GALNTL6: variants seen among roughly 807,000 people sequenced by gnomAD.
GALNTL6 encodes polypeptide N-acetylgalactosaminyltransferase-like 6.
Under a neutral mutation model 73.7 loss-of-function variants are expected in GALNTL6, and 46 were observed. That is an observed-to-expected ratio of 0.62 (90% confidence interval 0.49 to 0.80). GALNTL6 has a LOEUF of 0.80. Ranked by LOEUF, GALNTL6 falls within the 30% of genes least tolerant of loss-of-function variation. GALNTL6 has a pLI of 0.00. For synonymous variants in GALNTL6, 259 were observed against 263.7 expected (o/e 0.98, Z 0.17); for missense variants, 604 against 755.0 (o/e 0.80, Z 2.34).
chr4:172,396,463 C>T (rs1437375705), intron 5 of GALNTL6, among the ~76,000 whole-genome samples: 1 of 151,926 alleles, frequency 6.6e-6, no homozygotes, highest in Non-Finnish European at 1.5e-5. Context: ...TCTCAGCAAC[C>T]CATAGCTGTA....
chr4:171,996,877 C>T (rs1740509654), intron 2 of GALNTL6, among the ~76,000 whole-genome samples: 1 of 152,000 alleles, frequency 6.6e-6, no homozygotes, highest in African/African-American at 2.4e-5. Flanking sequence ...TAATAAACAC[C>T]TAGATATATT....
chr4:171,854,924 A>G (rs1397308727), intron 2 of GALNTL6, among the ~76,000 whole-genome samples: 1 of 152,180 alleles, frequency 6.6e-6, no homozygotes, highest in Non-Finnish European at 1.5e-5. Flanking sequence ...CTGCGTTTCT[A>G]TGGGATCAGA....
chr4:172,804,575 T>A (rs1029140618), intron 5 of GALNTL6, among the ~76,000 whole-genome samples: 2 of 152,224 alleles, frequency 1.3e-5, no homozygotes, highest in African/African-American at 4.8e-5. Flanking sequence ...TACCAGCTGC[T>A]GAGCCTGGGG....
At chr4:172,065,879 G>A (rs1478413313) in intron 2 of GALNTL6, among the ~76,000 whole-genome samples, 1 of 152,172 alleles carries the variant, frequency 6.6e-6, no homozygotes, top group Non-Finnish European at 1.5e-5. Flanking sequence ...CAGATCTGGT[G>A]AGAACTCACT....
chr4:172,284,217 TA>T (rs1357018495), intron 3 of GALNTL6, among the ~76,000 whole-genome samples: 1 of 152,220 alleles, frequency 6.6e-6, no homozygotes, highest in Admixed American at 6.5e-5. Context: ...ATTAATCTTT[TA>T]CAACTACCTT....
At chr4:172,429,225 T>TTTATTTTATTTTATTTTATTTTA (rs1311610813) in intron 5 of GALNTL6, among the ~76,000 whole-genome samples, 2 of 151,092 alleles carry the variant, frequency 1.3e-5, no homozygotes, top group East Asian at 1.9e-4. Flanking sequence ...TTTATTTTAT[T>TTTATTTTATTTTATTTTATTTTA]TTTTGAGACT....
chr4:172,235,607 G>A (rs538394102), intron 3 of GALNTL6, among the ~76,000 whole-genome samples: 1 of 151,958 alleles, frequency 6.6e-6, no homozygotes, highest in South Asian at 2.1e-4. Flanking sequence ...TAAAAATTTT[G>A]TTTGCAGTAA....
intron 2 of GALNTL6, among the ~76,000 whole-genome samples, chr4:172,206,729 G>A (rs1194210750): frequency 2.0e-5 from 3 of 151,494 alleles, no homozygotes; most frequent in African/African-American, 4.8e-5. Context: ...CCTGAGTCTG[G>A]GAACAAAATT....
intron 12 of GALNTL6, among the ~76,000 whole-genome samples, chr4:173,031,014 A>AAGAGAGAG (rs10655625): frequency 2.3e-4 from 34 of 148,366 alleles, no homozygotes; most frequent in African/African-American, 4.7e-4. Context: ...AAGAAAAGAA[A>AAGAGAGAG]AGAGAGAGAG....
intron 11 of GALNTL6, among the ~76,000 whole-genome samples, chr4:173,017,815 C>T (rs1002412191): frequency 1.3e-5 from 2 of 152,196 alleles, no homozygotes; most frequent in African/African-American, 4.8e-5. Flanking sequence ...ATAATTGTGA[C>T]AATAGGTGAA....
rs1214874685 is a variant in GALNTL6 at position 172,206,775 on chromosome 4, G to GTTTTT, written c.139-22879_139-22875dup. 3.8e-4 allele frequency among the ~76,000 whole-genome samples: 30 copies of GTTTTT among 79,786 alleles called. 6 individuals are homozygous for GTTTTT. Among genetic ancestry groups the GTTTTT allele is most frequent in the Middle Eastern group, 0.015 (2 of 130 alleles). 52.3% of individuals were successfully genotyped at this position (79,786 alleles called of 152,430 possible). ...ATGCATATCAGAGCAGATGAAACGT[G>GTTTTT]TTTTTTGTTTTGTTTTGTTTTGTTT... On this transcript the variant is annotated intron_variant, in intron 2 of 12. Coordinates refer to ENST00000506823, the MANE Select transcript of GALNTL6 (RefSeq NM_001034845.3).
At chr4:172,630,649 A>G (rs1048308802) in intron 5 of GALNTL6, among the ~76,000 whole-genome samples, 1 of 151,912 alleles carries the variant, frequency 6.6e-6, no homozygotes, top group Admixed American at 6.6e-5. Context: ...AAGCTTTCAT[A>G]CAGCTTCATT....
intron 7 of GALNTL6, among the ~76,000 whole-genome samples, chr4:172,878,584 T>C (rs967867457): frequency 6.6e-6 from 1 of 151,736 alleles, no homozygotes. Context: ...GAAAGGTATA[T>C]GCCATAAACC....
chr4:172,544,508 A>G (rs1579173198), intron 5 of GALNTL6, among the ~76,000 whole-genome samples: 1 of 152,180 alleles, frequency 6.6e-6, no homozygotes, highest in East Asian at 1.9e-4. Flanking sequence ...AGAAAAGAAC[A>G]ATTAAATAAA....
chr4:172,323,637 T>C (rs1242290007), intron 4 of GALNTL6, among the ~76,000 whole-genome samples: 2 of 152,160 alleles, frequency 1.3e-5, no homozygotes, highest in East Asian at 1.9e-4. Flanking sequence ...TATATCGATT[T>C]TTTAAATAAT....
chr4:172,028,405 G>C (rs554622818), intron 2 of GALNTL6, among the ~76,000 whole-genome samples: 1 of 151,974 alleles, frequency 6.6e-6, no homozygotes, highest in African/African-American at 2.4e-5. Context: ...TGATAAAATT[G>C]ATTGTCTGGA....
intron 2 of GALNTL6, among the ~76,000 whole-genome samples, chr4:172,041,452 CTG>C (rs1742084031): frequency 6.6e-6 from 1 of 152,030 alleles, no homozygotes; most frequent in South Asian, 2.1e-4. Context: ...ATCTGAAAGA[CTG>C]TTCATTGTGA....
chr4:172,982,170 T>G (rs545586634), intron 10 of GALNTL6, among the ~76,000 whole-genome samples: 1 of 152,314 alleles, frequency 6.6e-6, no homozygotes, highest in Admixed American at 6.5e-5. Flanking sequence ...TTCTTCAATT[T>G]CTTTCTGCAT....
At chr4:172,186,800 T>C (rs368676147) in intron 2 of GALNTL6, among the ~76,000 whole-genome samples, 24 of 152,106 alleles carry the variant, frequency 1.6e-4, no homozygotes, top group African/African-American at 5.1e-4. Flanking sequence ...GAGTAACTGA[T>C]TAATGTGTAT....
Sources: gnomAD v4.1 joint callset for allele counts (sites outside exome capture counted in the v4.1 genomes callset) on GRCh38, gnomAD v4.1.1 for gene constraint, MANE v1.5 for transcripts, NCBI Gene and HGNC (gene_info 2026-07-23, HGNC 2026-07-21) for gene names.